The following DNAJC28 variants were observed in gnomAD, a reference collection of about 807,000 sequenced individuals.
The protein encoded by DNAJC28 is dnaJ homolog subfamily C member 28.
Under a neutral mutation model 33.3 loss-of-function variants are expected in DNAJC28, and 24 were observed. The ratio of observed to expected loss-of-function variants is 0.72; its 90% CI spans 0.52 to 1.01. DNAJC28 has a LOEUF of 1.01. Ranked by LOEUF, DNAJC28 falls within the 50% of genes least tolerant of loss-of-function variation. The pLI is 0.00. For missense variants in DNAJC28, 442 were observed against 455.2 expected, an observed-to-expected ratio of 0.97 and a Z score of 0.26; for synonymous variants, 120 against 147.2, an observed-to-expected ratio of 0.82 and a Z score of 1.34.
chr21:33,489,788 C>G (rs74992166), intron 1 of DNAJC28, among the ~76,000 whole-genome samples: 1 of 140,514 alleles, frequency 7.1e-6, no homozygotes, highest in Admixed American at 7.3e-5. Context: ...CTGCGCTCAG[C>G]CTTTTTTTTT....
rs751026586 is a variant in DNAJC28 at position 33,489,061 on chromosome 21, ATTTG to A, written c.329_332del (p.Thr110MetfsTer13). 6 of 1,612,676 alleles carry A rather than the reference ATTTG, an allele frequency of 3.7e-6. No homozygotes were observed. The highest frequency in any genetic ancestry group is 5.1e-6 in the Non-Finnish European group (6 of 1,179,746). ...CTTCTTCACCTTTACTCTGACTGGCATTTGTTTGTTCTATCACATGGGAGAGCAC... is the reference window on the plus strand; with the variant it reads ...CTTCTTCACCTTTACTCTGACTGGCATTTGTTCTATCACATGGGAGAGCAC... On this transcript the variant is annotated frameshift_variant, in exon 2 of 2. Coordinates refer to ENST00000381947, the MANE Select transcript of DNAJC28 (RefSeq NM_001040192.3). LOFTEE classifies it high-confidence loss of function.
chr21:33,488,103 G>T lies in DNAJC28; in HGVS notation c.*124C>A. The T allele has an allele frequency of 2.7e-6, 2 of 750,076 alleles. No homozygotes were observed. The highest frequency in any genetic ancestry group is 4.0e-6 in the Non-Finnish European group (2 of 496,478). The allele number at this position is 750,076 out of a possible 1,614,324, so 46.5% of individuals were successfully genotyped here. A position where few individuals can be genotyped will look rare whatever the true frequency, so the allele number is the denominator to read the frequency against. Reference sequence around the variant, plus strand: ...ATAGGTTTCTCACTCACACATCATTGGCTATGTGATTAGTTTTGTGATAAG... The same window carrying T: ...ATAGGTTTCTCACTCACACATCATTTGCTATGTGATTAGTTTTGTGATAAG... On this transcript the variant is annotated 3_prime_UTR_variant, in exon 2 of 2. Coordinates refer to ENST00000381947, the MANE Select transcript of DNAJC28 (RefSeq NM_001040192.3).
intron 1 of DNAJC28, chr21:33,490,935 G>C (rs1568997495): frequency 6.6e-6 from 1 of 151,392 alleles, no homozygotes; most frequent in East Asian, 2.0e-4. Flanking sequence ...AAGCAAAATG[G>C]TTAGGGGTGG....
In DNAJC28 at chr21:33,489,438, A is replaced by G. The variant is rs2084501449; in HGVS notation, c.-31-14T>C. 7.5e-7 allele frequency: 1 copy of G among 1,340,680 alleles called. No individual in the cohort carries two copies. The highest frequency in any genetic ancestry group is 1.0e-6 in the Non-Finnish European group (1 of 1,004,742). 83.0% of individuals were successfully genotyped at this position (1,340,680 alleles called of 1,614,324 possible). A position where few individuals can be genotyped will look rare whatever the true frequency, so the allele number is the denominator to read the frequency against. On this transcript the variant is annotated splice_polypyrimidine_tract_variant and intron_variant, in intron 1 of 1. Coordinates refer to ENST00000381947, the MANE Select transcript of DNAJC28 (RefSeq NM_001040192.3). ...CCTAGCAATGACCTATAAAACGACAACAAATATAGGTTGAACAAAGTTGTA... is the reference window on the plus strand; with the variant it reads ...CCTAGCAATGACCTATAAAACGACAGCAAATATAGGTTGAACAAAGTTGTA...
rs2084527015 is a variant in DNAJC28 at position 33,491,673 on chromosome 21, C to G, written c.-103G>C. 6.6e-6 allele frequency: 1 copy of G among 152,378 alleles called. No individual in the cohort carries two copies. Among genetic ancestry groups the G allele is most frequent in the Admixed American group, 6.5e-5 (1 of 15,290 alleles). 9.4% of individuals were successfully genotyped at this position (152,378 alleles called of 1,614,324 possible). ...CAAACGAACTTTACCCCGGAGGACC[C>G]AGGCAGGGCACCTCGGGAGCCTTCG... On this transcript the variant is annotated 5_prime_UTR_variant, in exon 1 of 2. Coordinates refer to ENST00000381947, the MANE Select transcript of DNAJC28 (RefSeq NM_001040192.3).
chr21:33,491,202 T>C (rs2145652413), intron 1 of DNAJC28: 1 of 152,348 alleles, frequency 6.6e-6, no homozygotes, highest in South Asian at 2.1e-4. Context: ...TTGCTGCTAT[T>C]GCAATAACAT....
chr21:33,491,693 C>G lies in DNAJC28; in HGVS notation c.-123G>C, dbSNP rs573865117. On this transcript the variant is annotated 5_prime_UTR_variant, in exon 1 of 2. Coordinates refer to ENST00000381947, the MANE Select transcript of DNAJC28 (RefSeq NM_001040192.3). ...GGACCCAGGCAGGGCACCTCGGGAGCCTTCGTCCCGACCGGGGACCACCAG... is the reference window on the plus strand; with the variant it reads ...GGACCCAGGCAGGGCACCTCGGGAGGCTTCGTCCCGACCGGGGACCACCAG... 1 of 152,480 alleles carries G rather than the reference C, an allele frequency of 6.6e-6. No individual in the cohort carries two copies. Among genetic ancestry groups the G allele is most frequent in the Admixed American group, 6.5e-5 (1 of 15,312 alleles). 9.4% of individuals were successfully genotyped at this position (152,480 alleles called of 1,614,324 possible).
rs1463053050 is a variant in DNAJC28, at chr21:33,489,153, C to T, written c.241G>A (p.Asp81Asn). The change falls in exon 2 of 2, where the codon GAC becomes AAC. Residue 81 changes from aspartate (D) to asparagine (N), a missense_variant. Coordinates refer to ENST00000381947, the MANE Select transcript of DNAJC28 (RefSeq NM_001040192.3). ...GAATCAGCAGTATTAGAGCCACTGT[C>T]AGGATGATATTGCTTGGCAAGCTTA... ...FHKLAKQYHP[D>N]SGSNTADSAT... The T allele has an allele frequency of 1.2e-6, 2 of 1,612,812 alleles. No individual in the cohort carries two copies. Among genetic ancestry groups the T allele is most frequent in the Admixed American group, 3.4e-5 (2 of 59,674 alleles).
intron 1 of DNAJC28, among the ~76,000 whole-genome samples, chr21:33,490,862 AT>A (rs1201780836): frequency 6.6e-6 from 1 of 152,196 alleles, no homozygotes; most frequent in African/African-American, 2.4e-5. Flanking sequence ...CAATCTTCTC[AT>A]TTAATGAGAA....
In DNAJC28 at chr21:33,489,083, G is replaced by C. The variant is rs1419169490; in HGVS notation, c.311C>G (p.Ser104Cys). ...GGCATTTGTTTGTTCTATCACATGG[G>C]AGAGCACCTTTCTATAAGCTTTTTC... ...RIEKAYRKVLSHVIEQTNASQ... is the reference protein window; with the variant it reads ...RIEKAYRKVLCHVIEQTNASQ... The change falls in exon 2 of 2, where the codon TCC becomes TGC. Residue 104 changes from serine (S) to cysteine (C), a missense_variant. Physicochemically the swap from Ser to Cys is moderately radical, Grantham distance 112. Transcript: ENST00000381947. 1 of 1,613,714 alleles carries C rather than the reference G, an allele frequency of 6.2e-7. No individual in the cohort carries two copies. The highest frequency in any genetic ancestry group is 8.5e-7 in the Non-Finnish European group (1 of 1,179,974).
chr21:33,490,036 G>A (rs1285235983), intron 1 of DNAJC28, among the ~76,000 whole-genome samples: 1 of 151,432 alleles, frequency 6.6e-6, no homozygotes, highest in African/African-American at 2.4e-5. Context: ...CAAACGATCT[G>A]CCAGTTTCTG....
chr21:33,491,057 GGTACGTACCTGGT>G (rs1735962921), intron 1 of DNAJC28: 1 of 152,156 alleles, frequency 6.6e-6, no homozygotes, highest in Admixed American at 6.5e-5. Flanking sequence ...TTATGGACAA[GGTACGTACCTGGT>G]CTGATACTGG....
At position 33,488,257 on chromosome 21, in the gene DNAJC28, C is replaced by T; in HGVS notation, c.1137G>A (p.Leu379=). ...ATGATCGTATTTTAATAAATTTCCA[C>T]AGATTCATCCAGTTTAAAAAACCTT... The part of the protein sequence containing the change: ...IKKGFLNWMN[L]WKFIKIRSF The change falls in exon 2 of 2, where the codon CTG becomes CTA. Residue 379 remains leucine, a synonymous_variant. Transcript: ENST00000381947. The T allele has an allele frequency of 6.6e-7, 1 of 1,506,470 alleles. No homozygotes were observed. The highest frequency in any genetic ancestry group is 1.4e-5 in the African/African-American group (1 of 71,064). The allele number at this position is 1,506,470 out of a possible 1,614,324, so 93.3% of individuals were successfully genotyped here.
Position 33,489,091 on chromosome 21 carries a change from C to T in DNAJC28, c.303G>A (p.Lys101=), listed in dbSNP as rs1403308673. 3 of 1,613,886 alleles carry T rather than the reference C, an allele frequency of 1.9e-6. No individual in the cohort carries two copies. The South Asian group carries it at 3.3e-5, about 18-fold the overall frequency. The part of the protein sequence containing the change: ...TFIRIEKAYR[K]VLSHVIEQTN... The stretch of plus-strand genomic sequence containing the variant: ...TTTGTTCTATCACATGGGAGAGCAC[C>T]TTTCTATAAGCTTTTTCAATCCTTA... The change falls in exon 2 of 2, where the codon AAG becomes AAA. Residue 101 remains lysine, a synonymous_variant. Transcript: ENST00000381947.
Position 33,488,856 on chromosome 21 carries a change from G to A in DNAJC28, c.538C>T (p.Pro180Ser), listed in dbSNP as rs1289914002. 2.5e-6 allele frequency: 4 copies of A among 1,610,420 alleles called. No individual in the cohort carries two copies. Among genetic ancestry groups the A allele is most frequent in the Non-Finnish European group, 3.4e-6 (4 of 1,179,304 alleles). The change falls in exon 2 of 2, where the codon CCT (proline) becomes TCT (serine). Residue 180 changes from proline to serine, a missense_variant. By Grantham distance (74) the Pro-to-Ser change is moderately conservative. Coordinates refer to ENST00000381947, the MANE Select transcript of DNAJC28 (RefSeq NM_001040192.3). ...QKQKLQSQYF[P>S]DSVIVKNIRQ... The stretch of plus-strand genomic sequence containing the variant: ...ATATTTTTAACAATTACACTATCAG[G>A]AAAATACTGGCTTTGTAGTTTCTGC...
chr21:33,489,268 G>C lies in DNAJC28; in HGVS notation c.126C>G (p.Thr42=), dbSNP rs1430824574. The stretch of plus-strand genomic sequence containing the variant: ...CTCTGATCTTCTTTTTGGATTTATG[G>C]GTTGACATCATTCTATTTCTAATGA... ...FGIIRNRMMS[T]HKSKKKIREY... The change falls in exon 2 of 2, where the codon ACC becomes ACG. Residue 42 remains threonine (T), a synonymous_variant. Transcript: ENST00000381947. 1 of 1,602,676 alleles carries C rather than the reference G, an allele frequency of 6.2e-7. No individual in the cohort carries two copies. The highest frequency in any genetic ancestry group is 8.5e-7 in the Non-Finnish European group (1 of 1,176,778).
intron 1 of DNAJC28, among the ~76,000 whole-genome samples, 158 bp from the exon 2 acceptor site, chr21:33,489,582 T>C (rs1224796606): frequency 6.8e-6 from 1 of 147,444 alleles, no homozygotes; most frequent in Non-Finnish European, 1.5e-5. Flanking sequence ...TTTTTTTTTT[T>C]TGAGACAGAG....
In DNAJC28 at chr21:33,488,882, T is replaced by C; in HGVS notation, c.512A>G (p.Lys171Arg). 6.2e-7 allele frequency: 1 copy of C among 1,610,134 alleles called. No individual in the cohort carries two copies. Among genetic ancestry groups the C allele is most frequent in the Non-Finnish European group, 8.5e-7 (1 of 1,179,264 alleles). The change falls in exon 2 of 2, where the codon AAG becomes AGG. Residue 171 changes from lysine (K) to arginine (R), a missense_variant. Coordinates refer to ENST00000381947, the MANE Select transcript of DNAJC28 (RefSeq NM_001040192.3). ...AAAATACTGGCTTTGTAGTTTCTGC[T>C]TTTGATATTCCATCACTTGTTCAGC... The part of the protein sequence containing the change: ...RAAEQVMEYQ[K>R]QKLQSQYFPD...
chr21:33,489,567 CTTTTTTTT>C, intron 1 of DNAJC28, 143 bp from the exon 2 acceptor site: 2 of 359,072 alleles, frequency 5.6e-6, no homozygotes, highest in Non-Finnish European at 9.6e-6. Context: ...CAACTTTTTC[CTTTTTTTT>C]TTTTTTTTGA....
Sources: allele counts gnomAD v4.1 joint callset (sites outside exome capture counted in the v4.1 genomes callset), GRCh38; gene constraint gnomAD v4.1.1; transcripts MANE v1.5; gene names NCBI Gene and HGNC (gene_info 2026-07-23, HGNC 2026-07-21).